The following GLB1 variants were observed in gnomAD, a reference collection of about 807,000 sequenced individuals.
GLB1 encodes the protein beta-galactosidase.
In GLB1, 56 loss-of-function variants were observed where a neutral mutation model predicts 74.0. That is an observed-to-expected ratio of 0.76 (90% CI 0.61 to 0.94). GLB1 has a LOEUF of 0.94. Ranked by LOEUF, GLB1 falls within the 40% of genes least tolerant of loss-of-function variation. GLB1 has a pLI of 0.00. For missense variants in GLB1, 787 were observed against 845.5 expected, an observed-to-expected ratio of 0.93 and a Z score of 0.86; for synonymous variants, 323 against 323.6, an observed-to-expected ratio of 1.00 and a Z score of 0.02.
chr3:33,078,070 T>C (rs1404682280), intron 1 of GLB1, among the ~76,000 whole-genome samples: 7 of 152,104 alleles, frequency 4.6e-5, no homozygotes, highest in Non-Finnish European at 8.8e-5. Flanking sequence ...TTAAACTTCT[T>C]GTTTAAAATA....
chr3:33,065,558 C>T lies in GLB1; in HGVS notation c.458-1G>A. The T allele has an allele frequency of 6.4e-7, 1 of 1,569,146 alleles. No homozygotes were observed. Among genetic ancestry groups the T allele is most frequent in the Non-Finnish European group, 8.7e-7 (1 of 1,154,210 alleles). ...CACTTGTCCACAGCTGCCAGGTAAT[C>T]TGGAAAACAAGAAAAGTTTAACACA... is the stretch of plus-strand genomic sequence containing the variant. On this transcript the variant is annotated splice_acceptor_variant, in intron 4 of 15. Transcript: ENST00000307363. LOFTEE classifies it high-confidence loss of function.
intron 14 of GLB1, among the ~76,000 whole-genome samples, chr3:33,016,428 G>C (rs1475630756): frequency 6.6e-6 from 1 of 152,078 alleles, no homozygotes; most frequent in East Asian, 1.9e-4. Flanking sequence ...ATGATCATAG[G>C]TCATTTTAAT....
At chr3:33,018,312 AAAAAAAAAAAAAGAT>A in intron 13 of GLB1, 121 bp downstream of exon 13, 4 of 408,030 alleles carry the variant, frequency 9.8e-6, no homozygotes, top group South Asian at 8.5e-5. Flanking sequence ...AAAAAAAAAA[AAAAAAAAAAAAAGAT>A]GATGGGTAGA....
At chr3:33,036,451 G>C (rs1181106035) in intron 10 of GLB1, among the ~76,000 whole-genome samples, 2 of 152,088 alleles carry the variant, frequency 1.3e-5, no homozygotes, top group Non-Finnish European at 2.9e-5. Flanking sequence ...TTCCACATTA[G>C]GAAAGTTCAC....
At chr3:32,964,078 G>A in the GLB1 span, among the ~76,000 whole-genome samples, 1 of 152,170 alleles carries the variant, frequency 6.6e-6, no homozygotes, top group Non-Finnish European at 1.5e-5. Context: ...TATGAGATAG[G>A]TACAAGATAG....
intron 10 of GLB1, among the ~76,000 whole-genome samples, chr3:33,035,567 G>A (rs1426287227): frequency 6.6e-6 from 1 of 152,166 alleles, no homozygotes; most frequent in African/African-American, 2.4e-5. Flanking sequence ...ACTTTGAGAT[G>A]GGGTTAGTGC....
At chr3:33,052,054 A>G (rs756154192) in intron 7 of GLB1, 50 bp from the exon 8 acceptor site, 2 of 1,607,292 alleles carry the variant, frequency 1.2e-6, no homozygotes, top group Middle Eastern at 2.0e-4. Context: ...TGACCTTCCA[A>G]TGCCAGGGCT....
chr3:33,003,107 C>T (rs1183540274), intron 15 of GLB1, among the ~76,000 whole-genome samples: 1 of 152,158 alleles, frequency 6.6e-6, no homozygotes, highest in Non-Finnish European at 1.5e-5. Context: ...TTGCTTCCTC[C>T]TCAGTCTTAA....
At chr3:32,968,081 A>T in the GLB1 span, among the ~76,000 whole-genome samples, 59 of 152,294 alleles carry the variant, frequency 3.9e-4, no homozygotes, top group East Asian at 7.7e-3. Context: ...GGCTACCAAG[A>T]TGTACATTAA....
chr3:33,014,335 T>A, intron 14 of GLB1, 25 bp from the exon 15 acceptor site: 1 of 1,611,750 alleles, frequency 6.2e-7, no homozygotes, highest in Non-Finnish European at 8.5e-7. Context: ...CAGAGCACAG[T>A]GAGCTGGGGA....
chr3:33,017,707 T>C (rs1697291299), intron 13 of GLB1, among the ~76,000 whole-genome samples: 1 of 152,192 alleles, frequency 6.6e-6, no homozygotes, highest in Non-Finnish European at 1.5e-5. Flanking sequence ...TCCTTCAGAA[T>C]ATAATTTCTC....
In GLB1 at chr3:33,058,227, A is replaced by C; in HGVS notation, c.595T>G (p.Tyr199Asp). ...YGSYFACDFD[Y>D]LRFLQKRFRH... ...AAGCGCTTCTGCAGGAAGCGCAGGT[A>C]GTCAAAATCACAGGCAAAGTAGCTG... The change falls in exon 6 of 16, where the codon TAC (tyrosine) becomes GAC (aspartate). Residue 199 changes from tyrosine (Y) to aspartate (D), a missense_variant. Tyr to Asp is a radical substitution (Grantham distance 160). Transcript: ENST00000307363. The C allele has an allele frequency of 6.2e-7, 1 of 1,614,204 alleles. No individual in the cohort carries two copies. Among genetic ancestry groups the C allele is most frequent in the East Asian group, 2.2e-5 (1 of 44,882 alleles).
chr3:33,059,161 C>T (rs1418112503), intron 5 of GLB1, among the ~76,000 whole-genome samples: 1 of 151,686 alleles, frequency 6.6e-6, no homozygotes, highest in Non-Finnish European at 1.5e-5. Context: ...GCATGCATTC[C>T]CAGTGAGGTG....
chr3:33,034,344 CT>C, intron 10 of GLB1: 2 of 756,394 alleles, frequency 2.6e-6, no homozygotes, highest in Non-Finnish European at 4.9e-6. Flanking sequence ...TAGGCCCCTG[CT>C]GTTGTACCTG....
At chr3:33,088,626 G>A (rs1261448834) in intron 1 of GLB1, among the ~76,000 whole-genome samples, 1 of 151,992 alleles carries the variant, frequency 6.6e-6, no homozygotes, top group African/African-American at 2.4e-5. Context: ...CTGTTAAAAA[G>A]AAATTAAAGA....
At chr3:33,085,455 T>C (rs1700473847) in intron 1 of GLB1, among the ~76,000 whole-genome samples, 1 of 152,094 alleles carries the variant, frequency 6.6e-6, no homozygotes, top group Non-Finnish European at 1.5e-5. Context: ...TAATCTCTTA[T>C]TTGAATTGTA....
chr3:33,040,377 AG>A (rs1226856198), intron 10 of GLB1, among the ~76,000 whole-genome samples: 1 of 152,086 alleles, frequency 6.6e-6, no homozygotes, highest in African/African-American at 2.4e-5. Flanking sequence ...TAAAGATAAA[AG>A]TTCCATGAGT....
intron 6 of GLB1, among the ~76,000 whole-genome samples, chr3:33,057,367 G>A (rs1699263383): frequency 6.6e-6 from 1 of 152,084 alleles, no homozygotes; most frequent in Non-Finnish European, 1.5e-5. Flanking sequence ...TTTATTTAGG[G>A]CAGTGCAAGA....
At chr3:33,059,072 G>A (rs1699338778) in intron 5 of GLB1, among the ~76,000 whole-genome samples, 1 of 152,224 alleles carries the variant, frequency 6.6e-6, no homozygotes, top group South Asian at 2.1e-4. Flanking sequence ...ACATCCCACA[G>A]TGCACAGGGA....
Sources: allele counts gnomAD v4.1 joint callset (sites outside exome capture counted in the v4.1 genomes callset), GRCh38; gene constraint gnomAD v4.1.1; transcripts MANE v1.5; gene names NCBI Gene and HGNC (gene_info 2026-07-23, HGNC 2026-07-21).